Variants in PIWIL2 observed in about 807,000 individuals in gnomAD.
PIWIL2 encodes piwi-like protein 2.
PIWIL2 carries 81 observed loss-of-function variants against 116.5 expected under a neutral mutation model. The ratio of observed to expected loss-of-function variants is 0.70; its 90% CI spans 0.58 to 0.84. The LOEUF is 0.84. Among genes scored for constraint, PIWIL2 ranks in the 40% least tolerant of loss-of-function variants. PIWIL2 has a pLI of 0.00. For missense variants in PIWIL2, 1,272 were observed against 1,212.3 expected, an observed-to-expected ratio of 1.05 and a Z score of -0.73; for synonymous variants, 489 against 429.5, an observed-to-expected ratio of 1.14 and a Z score of -1.71.
intron 10 of PIWIL2, among the ~76,000 whole-genome samples, chr8:22,296,250 T>C (rs556418307): frequency 1.2e-4 from 18 of 151,986 alleles, no homozygotes; most frequent in Non-Finnish European, 2.1e-4. Flanking sequence ...TCTCACCACA[T>C]TGATGAGGAC....
At chr8:22,289,465 T>C (rs1830707096) in intron 8 of PIWIL2, among the ~76,000 whole-genome samples, 1 of 152,246 alleles carries the variant, frequency 6.6e-6, no homozygotes, top group Admixed American at 6.5e-5. Flanking sequence ...GAACCTAATT[T>C]CTACCTAGTA....
At chr8:22,290,990 A>G (rs919810992) in intron 10 of PIWIL2, among the ~76,000 whole-genome samples, 5 of 150,910 alleles carry the variant, frequency 3.3e-5, no homozygotes, top group Non-Finnish European at 5.9e-5. Flanking sequence ...TTTAATTGAG[A>G]CAGAGTCTCA....
intron 20 of PIWIL2, among the ~76,000 whole-genome samples, chr8:22,321,171 A>G (rs374488617): frequency 1.3e-5 from 2 of 152,088 alleles, no homozygotes; most frequent in East Asian, 3.9e-4. Flanking sequence ...CTGAATATAA[A>G]TGTTCTCTGA....
chr8:22,327,389 CG>C (rs1554503736), intron 20 of PIWIL2, among the ~76,000 whole-genome samples: 2 of 131,852 alleles, frequency 1.5e-5, no homozygotes, highest in Non-Finnish European at 3.2e-5. Flanking sequence ...TTTTTTGAGA[CG>C]GAGTTTCACT....
At chr8:22,282,963 T>C in intron 4 of PIWIL2, 71 bp from the exon 5 acceptor site, 1 of 1,162,896 alleles carries the variant, frequency 8.6e-7, no homozygotes, top group African/African-American at 1.5e-5. Flanking sequence ...GATTGTGGAG[T>C]TGGGGGAATA....
At chr8:22,291,176 A>AGTCTCTC (rs1375075267) in intron 10 of PIWIL2, among the ~76,000 whole-genome samples, 1 of 146,640 alleles carries the variant, frequency 6.8e-6, no homozygotes, top group Non-Finnish European at 1.5e-5. Context: ...TCTGAGAGAG[A>AGTCTCTC]GTCTCTCTCT....
intron 9 of PIWIL2, 133 bp downstream of exon 9, chr8:22,290,060 C>T (rs1056759464): frequency 7.9e-5 from 58 of 731,434 alleles, no homozygotes; most frequent in Non-Finnish European, 9.9e-5. Context: ...TAAATCTCTT[C>T]CTTAGTTTGG....
chr8:22,292,697 G>T lies in PIWIL2; in HGVS notation c.1181+2351G>T, dbSNP rs559831493. Reference sequence around the variant, plus strand: ...GGTTCTGATGAGCTGAGCAGCGGAGGTTGGCTTTATAGACAGAAAAGGGCC... The same window carrying T: ...GGTTCTGATGAGCTGAGCAGCGGAGTTTGGCTTTATAGACAGAAAAGGGCC... On this transcript the variant is annotated intron_variant, in intron 10 of 22. Coordinates refer to ENST00000356766, the MANE Select transcript of PIWIL2 (RefSeq NM_018068.5). Among the ~76,000 whole-genome samples the T allele has an allele frequency of 5.9e-5, 9 of 152,344 alleles. No homozygotes were observed. The East Asian group carries it at 1.2e-3, about 20-fold the overall frequency.
chr8:22,338,210 A>G (rs1390843045), intron 20 of PIWIL2, among the ~76,000 whole-genome samples: 2 of 152,226 alleles, frequency 1.3e-5, no homozygotes, highest in Non-Finnish European at 2.9e-5. Flanking sequence ...AAAGAAAACT[A>G]TCTTTGCAGT....
intron 20 of PIWIL2, among the ~76,000 whole-genome samples, chr8:22,347,904 C>T (rs1832266809): frequency 6.6e-6 from 1 of 152,040 alleles, no homozygotes; most frequent in African/African-American, 2.4e-5. Flanking sequence ...GTTGCCATAG[C>T]ATTTATATCT....
intron 21 of PIWIL2, among the ~76,000 whole-genome samples, chr8:22,354,013 C>G (rs1832435837): frequency 6.6e-6 from 1 of 151,978 alleles, no homozygotes; most frequent in Admixed American, 6.6e-5. Context: ...TGGGCTCAAG[C>G]AATCTGCCTG....
chr8:22,333,730 G>A (rs1260129909), intron 20 of PIWIL2, among the ~76,000 whole-genome samples: 2 of 152,056 alleles, frequency 1.3e-5, no homozygotes, highest in East Asian at 3.8e-4. Context: ...GGGAACTGGA[G>A]TATGGATAGG....
At chr8:22,277,718 C>T (rs1473320461) in intron 1 of PIWIL2, among the ~76,000 whole-genome samples, 1 of 151,710 alleles carries the variant, frequency 6.6e-6, no homozygotes, top group African/African-American at 2.4e-5. Flanking sequence ...GATAGAGATT[C>T]GGAGAAGCAG....
Position 22,304,174 on chromosome 8 carries a change from T to G in PIWIL2, c.1335T>G (p.Ser445=). The change falls in exon 11 of 23, where the codon TCT becomes TCG. Residue 445 remains serine (S), a synonymous_variant. Coordinates refer to ENST00000356766, the MANE Select transcript of PIWIL2 (RefSeq NM_018068.5). ...CTCCAAAGGATAGCTTCACGATGTCTGATGGGAAAGAGATCACATTCTTGG... is the reference window on the plus strand; with the variant it reads ...CTCCAAAGGATAGCTTCACGATGTCGGATGGGAAAGAGATCACATTCTTGG... ...NKTPKDSFTM[S]DGKEITFLEY... 3 of 1,613,764 alleles carry G rather than the reference T, an allele frequency of 1.9e-6. No individual in the cohort carries two copies. The highest frequency in any genetic ancestry group is 2.5e-6 in the Non-Finnish European group (3 of 1,179,770).
chr8:22,304,241 G>C (rs1303046360), intron 11 of PIWIL2, 32 bp downstream of exon 11: 1 of 1,491,902 alleles, frequency 6.7e-7, no homozygotes, highest in Admixed American at 1.7e-5. Flanking sequence ...TGGGCCTCAG[G>C]GTGGGGGTTG....
At chr8:22,284,997 A>G (rs1454412211) in intron 6 of PIWIL2, among the ~76,000 whole-genome samples, 2 of 152,178 alleles carry the variant, frequency 1.3e-5, no homozygotes, top group African/African-American at 4.8e-5. Flanking sequence ...TGAGTACAAG[A>G]TGATGTTTTG....
At chr8:22,276,744 T>C in intron 1 of PIWIL2, among the ~76,000 whole-genome samples, 1 of 152,136 alleles carries the variant, frequency 6.6e-6, no homozygotes, top group East Asian at 1.9e-4. Flanking sequence ...CTACAAATTT[T>C]TTTTAAAAAT....
intron 22 of PIWIL2, 27 bp from the exon 23 acceptor site, chr8:22,355,322 G>C (rs1452568220): frequency 6.2e-7 from 1 of 1,612,640 alleles, no homozygotes; most frequent in Non-Finnish European, 8.5e-7. Context: ...GGGATGATGA[G>C]AATTATATTT....
intron 1 of PIWIL2, among the ~76,000 whole-genome samples, 197 bp from the exon 2 acceptor site, chr8:22,279,144 G>GA (rs558799678): frequency 6.5e-4 from 99 of 152,250 alleles, no homozygotes; most frequent in African/African-American, 2.3e-3. Flanking sequence ...AAAGGTTGGG[G>GA]ACCACTGCTC....
Sources: allele counts gnomAD v4.1 joint callset (sites outside exome capture counted in the v4.1 genomes callset), GRCh38; gene constraint gnomAD v4.1.1; transcripts MANE v1.5; gene names NCBI Gene and HGNC (gene_info 2026-07-23, HGNC 2026-07-21).